Variants in CYP4F12 observed in about 807,000 individuals in gnomAD.
CYP4F12 encodes the protein cytochrome P450 family 4 subfamily F member 12.
A neutral mutation model predicts 56.5 loss-of-function variants in CYP4F12; 60 were observed. That is an observed-to-expected ratio of 1.06 (90% CI 0.86 to 1.32). The LOEUF (loss-of-function observed/expected upper bound fraction) is 1.32. Ranked by LOEUF, CYP4F12 falls within the 40% of genes most tolerant of loss-of-function variation. CYP4F12 has a pLI of 0.00. For missense variants in CYP4F12, 711 were observed against 683.5 expected (o/e 1.04, Z -0.45); for synonymous variants, 263 against 264.9 (o/e 0.99, Z 0.07).
At chr19:15,696,325 G>T in intron 11 of CYP4F12, 100 bp downstream of exon 11, 1 of 1,610,396 alleles carries the variant, frequency 6.2e-7, no homozygotes, top group African/African-American at 1.3e-5. Context: ...GGGTTTTGAT[G>T]AGGAAAATCC....
rs530872587 is a variant in CYP4F12, at chr19:15,695,864, T to C, written c.1116-72T>C. On this transcript the variant is annotated intron_variant, in intron 9 of 12. Transcript: ENST00000550308. ...TTGTGATAGGGAGAAAAGGTCTCATTTGCAAATAGAAAAGGTGGAGAGTTG... is the reference window on the plus strand; with the variant it reads ...TTGTGATAGGGAGAAAAGGTCTCATCTGCAAATAGAAAAGGTGGAGAGTTG... 6.5e-6 allele frequency: 10 copies of C among 1,534,356 alleles called. 1 individual carries two copies. The South Asian group carries it at 1.2e-4, about 19-fold the overall frequency.
chr19:15,685,231 C>A (rs369978814), intron 9 of CYP4F12, 34 bp downstream of exon 9: 19 of 1,605,286 alleles, frequency 1.2e-5, no homozygotes, highest in Non-Finnish European at 1.6e-5. Context: ...GTTCCTGAGC[C>A]CATCATTGGT....
chr19:15,683,605 C>T lies in CYP4F12; in HGVS notation c.760C>T (p.Arg254Trp), dbSNP rs61731190. The change falls in exon 7 of 13, where the codon CGG becomes TGG. Residue 254 changes from arginine to tryptophan, a missense_variant. By Grantham distance (101) the Arg-to-Trp change is moderately radical (BLOSUM62 -3). Transcript: ENST00000550308. ...TCTGTATTACCTCTCCCATGACGGG[C>T]GGCGCTTCCACAGGGCCTGCCGCCT... is the stretch of plus-strand genomic sequence containing the variant. ...DFLYYLSHDGRRFHRACRLVH... is the reference protein window; with the variant it reads ...DFLYYLSHDGWRFHRACRLVH... The T allele has an allele frequency of 1.7e-3, 2,785 of 1,614,086 alleles. 33 individuals are homozygous for T. The African/African-American group carries it at 0.032, about 19-fold the overall frequency.
At chr19:15,685,478 CTG>C (rs1332502095) in intron 9 of CYP4F12, among the ~76,000 whole-genome samples, 2 of 152,200 alleles carry the variant, frequency 1.3e-5, no homozygotes, top group African/African-American at 2.4e-5. Flanking sequence ...CCCCTCCACT[CTG>C]TTTCTGTTCT....
Position 15,683,686 on chromosome 19 carries a change from C to T in CYP4F12, c.841C>T (p.Gln281Ter). Residue 281 changes from glutamine to a stop codon, truncating the protein, a stop_gained, in exon 7 of 13, where the codon CAG becomes TAG. Transcript: ENST00000550308. LOFTEE classifies it high-confidence loss of function. ...GGAGCGGCGTCGCACCCTCCCCACT[C>T]AGGGTATTGATGATTTTTTCAAAGA... ...IRERRRTLPT[Q>*]GIDDFFKDKA... The T allele has an allele frequency of 6.2e-7, 1 of 1,612,194 alleles. No individual in the cohort carries two copies. Among genetic ancestry groups the T allele is most frequent in the Non-Finnish European group, 8.5e-7 (1 of 1,179,242 alleles).
intron 9 of CYP4F12, 59 bp downstream of exon 9, chr19:15,685,256 G>A: frequency 6.3e-7 from 1 of 1,584,364 alleles, no homozygotes; most frequent in Admixed American, 1.7e-5. Flanking sequence ...CTCCCCAAGT[G>A]AGGAGGGGTG....
chr19:15,696,746 C>T (rs747367783), intron 12 of CYP4F12, among the ~76,000 whole-genome samples, 162 bp from the exon 13 acceptor site: 10 of 152,122 alleles, frequency 6.6e-5, no homozygotes, highest in East Asian at 1.9e-4. Flanking sequence ...GCCCAGTCTC[C>T]GGGACATACA....
In CYP4F12 at chr19:15,682,529, C is replaced by T. The variant is rs2007363231; in HGVS notation, c.647+19C>T. Reference sequence around the variant, plus strand: ...GTCAGGAGTGAGTTCCTTCCTAGGGCCTGGGATATGAATCCATGGACCAAA... The same window carrying T: ...GTCAGGAGTGAGTTCCTTCCTAGGGTCTGGGATATGAATCCATGGACCAAA... On this transcript the variant is annotated intron_variant, in intron 6 of 12. Transcript: ENST00000550308. 8 of 1,611,700 alleles carry T rather than the reference C, an allele frequency of 5.0e-6. No homozygotes were observed. Among genetic ancestry groups the T allele is most frequent in the Non-Finnish European group, 6.8e-6 (8 of 1,178,586 alleles).
chr19:15,685,105 G>A lies in CYP4F12; in HGVS notation c.1023G>A (p.Leu341=). The change falls in exon 9 of 13, where the codon CTG becomes CTA. Residue 341 remains leucine (L), a synonymous_variant. Coordinates refer to ENST00000550308, the MANE Select transcript of CYP4F12 (RefSeq NM_023944.4). ...DTTASGLSWV[L]YNLARHPEYQ... ...CGGCCAGTGGCCTCTCCTGGGTCCTGTACAACCTTGCGAGGCACCCAGAAT... is the reference window on the plus strand; with the variant it reads ...CGGCCAGTGGCCTCTCCTGGGTCCTATACAACCTTGCGAGGCACCCAGAAT... 1.2e-6 allele frequency: 2 copies of A among 1,614,200 alleles called. No individual in the cohort carries two copies. Among genetic ancestry groups the A allele is most frequent in the Non-Finnish European group, 1.7e-6 (2 of 1,180,028 alleles).
At chr19:15,687,331 A>G (rs1342971125) in intron 9 of CYP4F12, among the ~76,000 whole-genome samples, 1 of 152,154 alleles carries the variant, frequency 6.6e-6, no homozygotes, top group Admixed American at 6.5e-5. Context: ...AGTTTCTACC[A>G]TCAATGGTTT....
rs888880225 is a variant in CYP4F12 at position 15,682,624 on chromosome 19, G to C, written c.647+114G>C. The C allele has an allele frequency of 6.7e-5, 100 of 1,502,524 alleles. 2 individuals carry two copies. The South Asian group carries it at 1.1e-3, about 17-fold the overall frequency. 93.1% of individuals were successfully genotyped at this position (1,502,524 alleles called of 1,614,324 possible). ...ACCTTTCGGGAGGATTTGTATCATA[G>C]CTGTGCTTTGAAGGTCGAGGAAGAG... On this transcript the variant is annotated intron_variant, in intron 6 of 12. Coordinates refer to ENST00000550308, the MANE Select transcript of CYP4F12 (RefSeq NM_023944.4).
At chr19:15,684,756 T>TTGTGTG (rs3063212) in intron 7 of CYP4F12, 60 bp from the exon 8 acceptor site, 79,260 of 1,023,564 alleles carry the variant, frequency 0.077, 1,521 homozygotes, top group South Asian at 0.1. Flanking sequence ...ATAGTATAAT[T>TTGTGTG]TGTGTGTGTG....
chr19:15,678,498 T>G, intron 3 of CYP4F12, 93 bp downstream of exon 3: 1 of 1,476,452 alleles, frequency 6.8e-7, no homozygotes, highest in Non-Finnish European at 9.3e-7. Context: ...CTCGTGCCCC[T>G]CATTGAGACT....
chr19:15,684,727 A>C, intron 7 of CYP4F12, 89 bp from the exon 8 acceptor site: 1 of 1,276,002 alleles, frequency 7.8e-7, no homozygotes, highest in Non-Finnish European at 1.1e-6. Context: ...ATCTCAGGTT[A>C]GACTCCGGAG....
intron 9 of CYP4F12, among the ~76,000 whole-genome samples, chr19:15,691,888 CTTT>C (rs2007887767): frequency 1.3e-5 from 2 of 152,070 alleles, no homozygotes; most frequent in Admixed American, 6.5e-5. Flanking sequence ...CGTCTCTGAC[CTTT>C]TTAGTCTTTT....
chr19:15,683,396 T>C, intron 6 of CYP4F12, 97 bp from the exon 7 acceptor site: 2 of 1,327,324 alleles, frequency 1.5e-6, no homozygotes, highest in Non-Finnish European at 2.1e-6. Context: ...GATACTCAGT[T>C]TCCTGATGGG....
At chr19:15,682,012 C>T (rs778678556) in intron 5 of CYP4F12, 18 of 180,242 alleles carry the variant, frequency 1.0e-4, no homozygotes, top group Non-Finnish European at 1.9e-4. Context: ...AGAGTTCAAC[C>T]AGCCAGGAAG....
chr19:15,673,816 T>C (rs1426303753), intron 2 of CYP4F12, 89 bp downstream of exon 2: 2 of 1,477,260 alleles, frequency 1.4e-6, no homozygotes, highest in African/African-American at 1.4e-5. Context: ...TAGGTATTGA[T>C]GGTGGCTGGG....
Position 15,684,914 on chromosome 19 carries a change from A to G in CYP4F12, c.985+32A>G, listed in dbSNP as rs78368217. 4.5e-3 allele frequency: 7,122 copies of G among 1,580,106 alleles called. 65 individuals are homozygous for G. The African/African-American group carries it at 0.085, about 19-fold the overall frequency. ...GTCCCAGTGTGGGACTACAGTGGAG[A>G]CAGAGGTCCCTCCATCTCAGGATCC... On this transcript the variant is annotated intron_variant, in intron 8 of 12. Transcript: ENST00000550308.
Sources: allele counts gnomAD v4.1 joint callset (sites outside exome capture counted in the v4.1 genomes callset), GRCh38; gene constraint gnomAD v4.1.1; transcripts MANE v1.5; gene names NCBI Gene and HGNC (gene_info 2026-07-23, HGNC 2026-07-21).